POLA2: variants seen among roughly 807,000 people sequenced by gnomAD.
The protein encoded by POLA2 is DNA polymerase alpha subunit B.
POLA2 carries 47 observed loss-of-function variants against 82.8 expected under a neutral mutation model. The observed-to-expected ratio is 0.57, with a 90% CI of 0.45 to 0.72. The LOEUF is 0.72. Among genes scored for constraint, POLA2 ranks in the 30% least tolerant of loss-of-function variants. POLA2 has a pLI of 0.00. For synonymous variants in POLA2, 287 were observed against 286.8 expected (o/e 1.00, Z -0.01); for missense variants, 634 against 728.1 (o/e 0.87, Z 1.49).
At chr11:65,264,560 C>T (rs1164391408) in intron 1 of POLA2, among the ~76,000 whole-genome samples, 1 of 152,118 alleles carries the variant, frequency 6.6e-6, no homozygotes, top group African/African-American at 2.4e-5. Context: ...ATCCTTCTGT[C>T]CCACCCTCAC....
chr11:65,277,054 T>G (rs1471191932), intron 5 of POLA2, among the ~76,000 whole-genome samples: 3 of 152,042 alleles, frequency 2.0e-5, no homozygotes, highest in Non-Finnish European at 4.4e-5. Flanking sequence ...CCTCCCAAAG[T>G]GTAGGATGTC....
chr11:65,283,261 A>T (rs1052847986), intron 10 of POLA2, among the ~76,000 whole-genome samples: 12 of 152,094 alleles, frequency 7.9e-5, no homozygotes, highest in African/African-American at 2.9e-4. Flanking sequence ...TTACTTTTTT[A>T]TTTTTCTGGC....
At position 65,289,062 on chromosome 11, in the gene POLA2, C is replaced by T; in HGVS notation, c.1144C>T (p.Leu382=). 6.2e-7 allele frequency: 1 copy of T among 1,613,328 alleles called. No homozygotes were observed. Among genetic ancestry groups the T allele is most frequent in the Non-Finnish European group, 8.5e-7 (1 of 1,179,620 alleles). Residue 382 remains leucine, a synonymous_variant, in exon 12 of 18, where the codon CTG becomes TTG. Transcript: ENST00000265465. Reference sequence around the variant, plus strand: ...TCTCCCCTTGCAGTTTGGCCCTTTCCTGGATGCTAAGCATGAACAGGTGGA... The same window carrying T: ...TCTCCCCTTGCAGTTTGGCCCTTTCTTGGATGCTAAGCATGAACAGGTGGA... ...PDVCILFGPF[L]DAKHEQVENC...
At chr11:65,262,408 C>T (rs1209682929) in intron 1 of POLA2, 37 bp downstream of exon 1, 9 of 1,556,540 alleles carry the variant, frequency 5.8e-6, no homozygotes, top group Non-Finnish European at 7.9e-6. Context: ...CAGCCGTGCT[C>T]CACGCTCTCG....
chr11:65,278,687 A>G, intron 5 of POLA2, 43 bp from the exon 6 acceptor site: 2 of 1,471,400 alleles, frequency 1.4e-6, no homozygotes. Context: ...CTCTCCCTTT[A>G]GATATGAACA....
chr11:65,277,987 C>T (rs527917678), intron 5 of POLA2, among the ~76,000 whole-genome samples: 2 of 152,254 alleles, frequency 1.3e-5, no homozygotes, highest in South Asian at 2.1e-4. Flanking sequence ...AACTGGTTCC[C>T]GCAGAGTTTC....
intron 8 of POLA2, among the ~76,000 whole-genome samples, chr11:65,304,543 C>T (rs1046533555): frequency 2.0e-5 from 3 of 151,924 alleles, no homozygotes; most frequent in Non-Finnish European, 2.9e-5. Context: ...TGGACATGAA[C>T]CAAATGACAA....
chr11:65,287,979 GTA>G lies in POLA2; in HGVS notation c.1131+147_1131+148del, dbSNP rs1424370924. The stretch of plus-strand genomic sequence containing the variant: ...ATTCTTAATCTACATCTTTGGAGAG[GTA>G]TATATATCTATGGGCCTTTGCTAGA... On this transcript the variant is annotated intron_variant, in intron 11 of 17. Transcript: ENST00000265465. The G allele has an allele frequency of 5.3e-6, 5 of 940,848 alleles. No individual in the cohort carries two copies. In the East Asian group the frequency reaches 1.4e-4, roughly 26 times the overall value. The allele number at this position is 940,848 out of a possible 1,614,324, so 58.3% of individuals were successfully genotyped here. A position where few individuals can be genotyped will look rare whatever the true frequency, so the allele number is the denominator to read the frequency against.
downstream of POLA2, among the ~76,000 whole-genome samples, chr11:65,299,888 C>T (rs1350304460): frequency 1.3e-5 from 2 of 152,028 alleles, no homozygotes; most frequent in African/African-American, 4.8e-5. Flanking sequence ...GACGGGGTTT[C>T]GCCATCTTGG....
At chr11:65,293,608 CAAAAAAAAAAA>C (rs35492423) in intron 13 of POLA2, among the ~76,000 whole-genome samples, 15 of 73,582 alleles carry the variant, frequency 2.0e-4, no homozygotes, top group Non-Finnish European at 4.1e-4. Flanking sequence ...GGCTCTGTCT[CAAAAAAAAAAA>C]AAAAAAAAGC....
At chr11:65,279,350 C>T (rs1293508297) in intron 6 of POLA2, among the ~76,000 whole-genome samples, 188 bp from the exon 7 acceptor site, 3 of 152,052 alleles carry the variant, frequency 2.0e-5, no homozygotes, top group Non-Finnish European at 4.4e-5. Context: ...GATGGAAGGC[C>T]AGATTCAGCA....
chr11:65,275,680 A>G (rs1490427970), intron 4 of POLA2, among the ~76,000 whole-genome samples: 1 of 152,202 alleles, frequency 6.6e-6, no homozygotes, highest in Non-Finnish European at 1.5e-5. Context: ...ATTGCCTTCA[A>G]AATAGGGACA....
rs1333869634 is a variant in POLA2, at chr11:65,262,320, G to A, written c.28G>A (p.Glu10Lys). The change falls in exon 1 of 18, where the codon GAG (glutamate) becomes AAG (lysine). Residue 10 changes from glutamate (E) to lysine (K), a missense_variant. Transcript: ENST00000265465. Reference protein sequence around the residue: MSASAQQLAEELQIFGLDCE... With the variant: MSASAQQLAKELQIFGLDCE... ...GTCCGCATCCGCCCAGCAGCTGGCGGAGGAGCTGCAGATCTTCGGCCTAGA... is the reference window on the plus strand; with the variant it reads ...GTCCGCATCCGCCCAGCAGCTGGCGAAGGAGCTGCAGATCTTCGGCCTAGA... The A allele has an allele frequency of 1.9e-6, 3 of 1,613,698 alleles. No individual in the cohort carries two copies. The Admixed American group carries it at 5.0e-5, about 27-fold the overall frequency.
chr11:65,282,610 C>A, intron 10 of POLA2, 89 bp downstream of exon 10: 2 of 1,125,210 alleles, frequency 1.8e-6, no homozygotes, highest in Non-Finnish European at 2.7e-6. Flanking sequence ...AAGAAAGCTG[C>A]AGAAGCTGCT....
intron 4 of POLA2, among the ~76,000 whole-genome samples, chr11:65,269,348 G>C (rs866462970): frequency 6.6e-6 from 1 of 152,104 alleles, no homozygotes; most frequent in Non-Finnish European, 1.5e-5. Context: ...TTAGCCGGGC[G>C]TGGTGGTGGG....
chr11:65,294,281 G>A lies in POLA2; in HGVS notation c.1353+20G>A. ...AAAAAGGTAGCAGCACCCACTCCTTGACCAGCAGGCAGCCAGAATCCAGCA... is the reference window on the plus strand; with the variant it reads ...AAAAAGGTAGCAGCACCCACTCCTTAACCAGCAGGCAGCCAGAATCCAGCA... On this transcript the variant is annotated intron_variant, in intron 14 of 17. Coordinates refer to ENST00000265465, the MANE Select transcript of POLA2 (RefSeq NM_002689.4). 1 of 1,587,254 alleles carries A rather than the reference G, an allele frequency of 6.3e-7. No homozygotes were observed. The highest frequency in any genetic ancestry group is 8.7e-7 in the Non-Finnish European group (1 of 1,155,456).
At chr11:65,281,552 A>G (rs1949641346) in intron 8 of POLA2, 118 bp from the exon 9 acceptor site, 2 of 744,680 alleles carry the variant, frequency 2.7e-6, no homozygotes, top group Admixed American at 2.3e-5. Flanking sequence ...AAAATGCCCT[A>G]AGTTTATGAT....
At position 65,276,008 on chromosome 11, in the gene POLA2, A is replaced by G. The variant is rs1949575400; in HGVS notation, c.461+10A>G. 6.5e-7 allele frequency: 1 copy of G among 1,532,120 alleles called. No individual in the cohort carries two copies. Among genetic ancestry groups the G allele is most frequent in the Non-Finnish European group, 8.9e-7 (1 of 1,119,470 alleles). The allele number at this position is 1,532,120 out of a possible 1,614,324, so 94.9% of individuals were successfully genotyped here. On this transcript the variant is annotated intron_variant, in intron 5 of 17. Coordinates refer to ENST00000265465, the MANE Select transcript of POLA2 (RefSeq NM_002689.4). The stretch of plus-strand genomic sequence containing the variant: ...CAAGTTTCTCTCCAAGGTATGGATC[A>G]TAATTCATTCAAGTGCCATAAAGCT...
In POLA2 at chr11:65,281,653, T is replaced by G; in HGVS notation, c.901-17T>G. The stretch of plus-strand genomic sequence containing the variant: ...GATCTCCACTGCTTAGCAATCCTGT[T>G]TGTTTTTGTCTTTCAGGTTGTAATT... On this transcript the variant is annotated splice_polypyrimidine_tract_variant and intron_variant, in intron 8 of 17. Coordinates refer to ENST00000265465, the MANE Select transcript of POLA2 (RefSeq NM_002689.4). The G allele has an allele frequency of 4.4e-6, 7 of 1,601,320 alleles. No individual in the cohort carries two copies. The highest frequency in any genetic ancestry group is 6.0e-6 in the Non-Finnish European group (7 of 1,168,290).
Sources: allele counts gnomAD v4.1 joint callset (sites outside exome capture counted in the v4.1 genomes callset), GRCh38; gene constraint gnomAD v4.1.1; transcripts MANE v1.5; gene names NCBI Gene and HGNC (gene_info 2026-07-23, HGNC 2026-07-21).